Variants in SYT1 observed in about 807,000 individuals in gnomAD.
SYT1 encodes the protein synaptotagmin 1, also known as synaptotagmin-1.
SYT1 carries 8 observed loss-of-function variants against 44.8 expected under a neutral mutation model. The observed-to-expected ratio is 0.18, with a 90% confidence interval of 0.10 to 0.32. The LOEUF (loss-of-function observed/expected upper bound fraction) is 0.32. Ranked by LOEUF, SYT1 falls within the 10% of genes least tolerant of loss-of-function variation. The probability of loss-of-function intolerance (pLI) is 1.00; values close to 1 mark genes in which losing one functional copy is unlikely to be tolerated. For synonymous variants in SYT1, 154 were observed against 188.8 expected (o/e 0.82, Z 1.51); for missense variants, 286 against 509.3 (o/e 0.56, Z 4.22).
chr12:79,139,812 A>C lies in SYT1; in HGVS notation c.-17-77691A>C, dbSNP rs11837124. On this transcript the variant is annotated intron_variant, in intron 3 of 10. Coordinates refer to ENST00000261205, the MANE Select transcript of SYT1 (RefSeq NM_005639.3). ...GTCACCACTGGATAACCCAGTGAGCAGAATAATCAGGCCACTGAGCAGAAT... is the reference window on the plus strand; with the variant it reads ...GTCACCACTGGATAACCCAGTGAGCCGAATAATCAGGCCACTGAGCAGAAT... Among the ~76,000 whole-genome samples the C allele has an allele frequency of 6.3e-3, 963 of 152,356 alleles. 9 individuals carry two copies. The highest frequency in any genetic ancestry group is 0.022 in the African/African-American group (919 of 41,578).
At chr12:79,188,480 T>A (rs529896155) in intron 3 of SYT1, among the ~76,000 whole-genome samples, 7 of 152,274 alleles carry the variant, frequency 4.6e-5, no homozygotes, top group Non-Finnish European at 1.0e-4. Context: ...TCTCAGGACT[T>A]AGATTGTTTT....
At chr12:79,164,479 T>A (rs1481466659) in intron 3 of SYT1, among the ~76,000 whole-genome samples, 1 of 152,098 alleles carries the variant, frequency 6.6e-6, no homozygotes, top group East Asian at 1.9e-4. Flanking sequence ...CACATCAGGC[T>A]TTGCTGTCAT....
intron 1 of SYT1, among the ~76,000 whole-genome samples, chr12:78,974,365 A>G (rs1218893286): frequency 1.3e-5 from 2 of 152,058 alleles, no homozygotes; most frequent in Non-Finnish European, 2.9e-5. Context: ...CATTACTTAT[A>G]AATTAAGAAA....
intron 1 of SYT1, among the ~76,000 whole-genome samples, chr12:78,920,994 T>C (rs911388351): frequency 1.3e-5 from 2 of 151,958 alleles, no homozygotes; most frequent in Non-Finnish European, 2.9e-5. Flanking sequence ...TTTTCTTCTC[T>C]GCATCATCAG....
intron 1 of SYT1, among the ~76,000 whole-genome samples, chr12:78,907,153 G>C (rs1436690200): frequency 1.3e-5 from 2 of 151,778 alleles, no homozygotes; most frequent in Non-Finnish European, 1.5e-5. Context: ...ATTATCTTCA[G>C]TTGGGTGTCA....
intron 3 of SYT1, among the ~76,000 whole-genome samples, chr12:79,115,057 G>T (rs1048052577): frequency 6.6e-6 from 1 of 152,122 alleles, no homozygotes; most frequent in Non-Finnish European, 1.5e-5. Context: ...TGAAAATGCT[G>T]CAATTATTCT....
chr12:78,900,722 G>A (rs757885341), intron 1 of SYT1, among the ~76,000 whole-genome samples: 29 of 152,036 alleles, frequency 1.9e-4, no homozygotes, highest in Non-Finnish European at 3.8e-4. Context: ...TGAACTACAA[G>A]TATCATGAAT....
intron 1 of SYT1, among the ~76,000 whole-genome samples, chr12:78,908,184 G>C (rs1876107214): frequency 6.6e-6 from 1 of 151,758 alleles, no homozygotes; most frequent in Non-Finnish European, 1.5e-5. Context: ...ATCAGCCTGA[G>C]GCAAATAACT....
At chr12:79,440,675 C>G (rs1438143702) in intron 9 of SYT1, among the ~76,000 whole-genome samples, 1 of 152,068 alleles carries the variant, frequency 6.6e-6, no homozygotes. Context: ...TTCTAAGCCA[C>G]CAAGAGACTG....
chr12:79,013,457 TACA>T (rs1871557508), intron 2 of SYT1, among the ~76,000 whole-genome samples: 1 of 152,178 alleles, frequency 6.6e-6, no homozygotes, highest in Non-Finnish European at 1.5e-5. Flanking sequence ...AAACTGTAAC[TACA>T]ACTTGCACAC....
intron 9 of SYT1, among the ~76,000 whole-genome samples, chr12:79,363,409 A>G (rs1883398897): frequency 6.6e-6 from 1 of 151,978 alleles, no homozygotes; most frequent in Admixed American, 6.6e-5. Context: ...AGAAATGGAA[A>G]CATCAAAGAC....
chr12:79,260,699 A>G (rs1302646603), intron 4 of SYT1, among the ~76,000 whole-genome samples: 1 of 152,220 alleles, frequency 6.6e-6, no homozygotes, highest in East Asian at 1.9e-4. Flanking sequence ...ATCCAGTAAT[A>G]AAAATCTATT....
At chr12:79,264,762 G>A (rs1348356847) in intron 4 of SYT1, among the ~76,000 whole-genome samples, 1 of 152,126 alleles carries the variant, frequency 6.6e-6, no homozygotes, top group Non-Finnish European at 1.5e-5. Context: ...TTATTCTAAT[G>A]CTGCTTGCAT....
chr12:79,285,217 A>C (rs1879250092), intron 4 of SYT1, among the ~76,000 whole-genome samples: 1 of 152,234 alleles, frequency 6.6e-6, no homozygotes, highest in African/African-American at 2.4e-5. Flanking sequence ...ATATACAACT[A>C]ATATCTGCCC....
chr12:79,229,360 C>A (rs1875722092), intron 4 of SYT1, among the ~76,000 whole-genome samples: 1 of 152,158 alleles, frequency 6.6e-6, no homozygotes, highest in South Asian at 2.1e-4. Context: ...GTTTTCAAAC[C>A]TTTTTAGCCA....
chr12:79,424,145 C>T (rs1869291910), intron 9 of SYT1, among the ~76,000 whole-genome samples: 1 of 151,986 alleles, frequency 6.6e-6, no homozygotes, highest in Non-Finnish European at 1.5e-5. Flanking sequence ...CTTACAGCTT[C>T]TTGTGTCACT....
chr12:79,426,294 AGTGC>A (rs1401900584), intron 9 of SYT1, among the ~76,000 whole-genome samples: 2 of 152,294 alleles, frequency 1.3e-5, no homozygotes, highest in East Asian at 1.9e-4. Context: ...TAGAAATGAT[AGTGC>A]TTAGCATTTA....
chr12:79,238,976 C>T (rs1007514289), intron 4 of SYT1, among the ~76,000 whole-genome samples: 1 of 152,216 alleles, frequency 6.6e-6, no homozygotes, highest in East Asian at 1.9e-4. Flanking sequence ...GCATATAGCA[C>T]TTGCCAATTT....
chr12:78,903,733 C>T (rs1875798312), intron 1 of SYT1, among the ~76,000 whole-genome samples: 1 of 151,970 alleles, frequency 6.6e-6, no homozygotes, highest in African/African-American at 2.4e-5. Context: ...GCTGAATGAA[C>T]ATGATTTACA....
Sources: gnomAD v4.1 joint callset for allele counts (sites outside exome capture counted in the v4.1 genomes callset) on GRCh38, gnomAD v4.1.1 for gene constraint, MANE v1.5 for transcripts, NCBI Gene and HGNC (gene_info 2026-07-23, HGNC 2026-07-21) for gene names.